Variants in FNBP4 observed in about 807,000 individuals in gnomAD.
FNBP4 encodes formin binding protein 4.
Under a neutral mutation model 119.3 loss-of-function variants are expected in FNBP4, and 34 were observed. The ratio of observed to expected loss-of-function variants is 0.28; its 90% confidence interval spans 0.22 to 0.38. FNBP4 has a LOEUF of 0.38. Ranked by LOEUF, FNBP4 falls within the 10% of genes least tolerant of loss-of-function variation. FNBP4 has a pLI of 1.00. For synonymous variants in FNBP4, 462 were observed against 430.6 expected (o/e 1.07, Z -0.90); for missense variants, 1,112 against 1,228.9 (o/e 0.90, Z 1.42).
rs374889562 is a variant in FNBP4 at position 47,730,304 on chromosome 11, C to T, written c.2008+1070G>A. ...CTTCATGTAAAAGGGAAGTGAAATG[C>T]CCTGTAACTTGAGAAAATGCACTTC... On this transcript the variant is annotated intron_variant, in intron 12 of 16. Coordinates refer to ENST00000263773, the MANE Select transcript of FNBP4 (RefSeq NM_015308.5). 4 of 883,268 alleles carry T rather than the reference C, an allele frequency of 4.5e-6. No individual in the cohort carries two copies. The African/African-American group carries it at 7.2e-5, about 16-fold the overall frequency. The allele number at this position is 883,268 out of a possible 1,614,324, so 54.7% of individuals were successfully genotyped here. A position where few individuals can be genotyped will look rare whatever the true frequency, so the allele number is the denominator to read the frequency against.
chr11:47,737,733 C>G lies in FNBP4; in HGVS notation c.1457-993G>C, dbSNP rs139289459. On this transcript the variant is annotated intron_variant, in intron 8 of 16. Transcript: ENST00000263773. The stretch of plus-strand genomic sequence containing the variant: ...GGGATTATAGGTGTAAGCCACTGCA[C>G]CCAGGCTGCATCATAATTTTTTTTT... Among the ~76,000 whole-genome samples, 17 of 151,390 alleles carry G rather than the reference C, an allele frequency of 1.1e-4. No homozygotes were observed. The East Asian group carries it at 3.3e-3, about 30-fold the overall frequency.
At chr11:47,747,823 C>G (rs1452396434) in intron 6 of FNBP4, among the ~76,000 whole-genome samples, 1 of 152,120 alleles carries the variant, frequency 6.6e-6, no homozygotes, top group Non-Finnish European at 1.5e-5. Context: ...CGGCGTGCGC[C>G]TGTAATCCCA....
chr11:47,762,915 AAAAAAAAAAAAAG>A (rs1361004284), intron 2 of FNBP4, among the ~76,000 whole-genome samples: 1 of 75,310 alleles, frequency 1.3e-5, no homozygotes, highest in African/African-American at 1.0e-4. Flanking sequence ...CCAAAAAAAA[AAAAAAAAAAAAAG>A]AGTCTCTCTG....
intron 6 of FNBP4, among the ~76,000 whole-genome samples, chr11:47,750,329 C>T (rs1184042911): frequency 4.6e-5 from 6 of 130,728 alleles, no homozygotes; most frequent in Non-Finnish European, 9.2e-5. Context: ...TTGCAGTGAG[C>T]TGAGACAGCA....
intron 10 of FNBP4, among the ~76,000 whole-genome samples, chr11:47,733,377 T>C (rs7107473): frequency 0.98 from 148,691 of 151,926 alleles, 72,844 homozygotes; most frequent in Middle Eastern, 1. Flanking sequence ...CTGGCTCTGT[T>C]GCCCAGGCTA....
chr11:47,734,980 C>CG (rs1378394324), intron 9 of FNBP4, among the ~76,000 whole-genome samples: 14 of 102,402 alleles, frequency 1.4e-4, no homozygotes, highest in African/African-American at 2.1e-4. Context: ...ACCCCAACAC[C>CG]CCCCCCCCCA....
chr11:47,720,324 T>C (rs559171988), intron 15 of FNBP4, among the ~76,000 whole-genome samples: 234 of 152,210 alleles, frequency 1.5e-3, no homozygotes, highest in African/African-American at 5.2e-3. Flanking sequence ...ATCCCAGCAC[T>C]TTGGGAGGCT....
chr11:47,754,687 T>TATTGAC, intron 2 of FNBP4, 23 bp from the exon 3 acceptor site: 1 of 1,609,014 alleles, frequency 6.2e-7, no homozygotes, highest in Non-Finnish European at 8.5e-7. Flanking sequence ...AGGTAAACAG[T>TATTGAC]ATTTGTAACA....
At chr11:47,758,359 C>T (rs868160026) in intron 2 of FNBP4, among the ~76,000 whole-genome samples, 6 of 152,134 alleles carry the variant, frequency 3.9e-5, no homozygotes, top group African/African-American at 1.2e-4. Flanking sequence ...TACAGGCCTA[C>T]GCCACCACAC....
At chr11:47,721,593 G>C (rs1321697595) in intron 15 of FNBP4, among the ~76,000 whole-genome samples, 1 of 151,886 alleles carries the variant, frequency 6.6e-6, no homozygotes, top group African/African-American at 2.4e-5. Context: ...CAGAGACTCT[G>C]TCTCCCCTCC....
intron 12 of FNBP4, chr11:47,729,611 C>G (rs1428271549): frequency 3.2e-6 from 3 of 941,760 alleles, no homozygotes; most frequent in East Asian, 2.3e-4. Flanking sequence ...TTGGGCTCAA[C>G]CAATCTTCCC....
Position 47,732,697 on chromosome 11 carries a change from A to G in FNBP4, c.1687-27T>C, listed in dbSNP as rs946681744. ...TAGAATAAACAGACAAATAAGTTAAAGACTTATTATTACATGTCAGGAGAC... is the reference window on the plus strand; with the variant it reads ...TAGAATAAACAGACAAATAAGTTAAGGACTTATTATTACATGTCAGGAGAC... On this transcript the variant is annotated intron_variant, in intron 10 of 16. Coordinates refer to ENST00000263773, the MANE Select transcript of FNBP4 (RefSeq NM_015308.5). This position sits in a 1 kb window ranked among gnomAD's most constrained non-coding sequence, Gnocchi z 4.2. 1.3e-6 allele frequency: 2 copies of G among 1,599,004 alleles called. No individual in the cohort carries two copies. The highest frequency in any genetic ancestry group is 3.3e-5 in the Admixed American group (2 of 59,990).
chr11:47,723,336 A>G lies in FNBP4; in HGVS notation c.2465-20T>C. ...GGTGACCTAACACAGAAAACATAAA[A>G]TGATACTATAAAAAGGACATCATGA... On this transcript the variant is annotated intron_variant, in intron 14 of 16. Transcript: ENST00000263773. 6.3e-7 allele frequency: 1 copy of G among 1,577,604 alleles called. No individual in the cohort carries two copies. The highest frequency in any genetic ancestry group is 8.6e-7 in the Non-Finnish European group (1 of 1,159,530).
chr11:47,765,389 G>GAAAAA lies in FNBP4; in HGVS notation c.221-28_221-27insTTTTT, dbSNP rs760580350. The GAAAAA allele has an allele frequency of 7.7e-6, 10 of 1,301,748 alleles. No homozygotes were observed. The Admixed American group carries it at 1.3e-4, about 17-fold the overall frequency. 80.6% of individuals were successfully genotyped at this position (1,301,748 alleles called of 1,614,324 possible). A position where few individuals can be genotyped will look rare whatever the true frequency, so the allele number is the denominator to read the frequency against. On this transcript the variant is annotated intron_variant, in intron 1 of 16. Coordinates refer to ENST00000263773, the MANE Select transcript of FNBP4 (RefSeq NM_015308.5). Reference sequence around the variant, plus strand: ...TGGATTAAAAAAAAAGAAAAGAAAAGAAAAGAAAAGAAAAGAAAAGAAAAG... The same window carrying GAAAAA: ...TGGATTAAAAAAAAAGAAAAGAAAAGAAAAAAAAAGAAAAGAAAAGAAAAGAAAAG...
rs1202241742 is a variant in FNBP4, at chr11:47,717,443, C to T, written c.3033G>A (p.Arg1011=). 3 of 1,612,254 alleles carry T rather than the reference C, an allele frequency of 1.9e-6. No homozygotes were observed. The highest frequency in any genetic ancestry group is 1.7e-5 in the Admixed American group (1 of 59,926). The change falls in exon 17 of 17, where the codon AGG becomes AGA. Residue 1011 remains arginine (R), a synonymous_variant. Coordinates refer to ENST00000263773, the MANE Select transcript of FNBP4 (RefSeq NM_015308.5). ...AAAACTATGTGTTTGGAGCCATTTT[C>T]CTTCTCTTCAGCCTTGCTCTCCAAT... ...PEDWRARLKR[R]KMAPNT
chr11:47,750,287 G>A (rs994126739), intron 6 of FNBP4, among the ~76,000 whole-genome samples: 2 of 146,380 alleles, frequency 1.4e-5, no homozygotes, highest in African/African-American at 2.5e-5. Context: ...GCTGAGGCAG[G>A]AGAATCACTT....
chr11:47,753,947 G>A (rs2097610005), intron 3 of FNBP4, among the ~76,000 whole-genome samples: 1 of 152,158 alleles, frequency 6.6e-6, no homozygotes, highest in Non-Finnish European at 1.5e-5. Flanking sequence ...GCTCACGCTT[G>A]TAATCCCAAC....
intron 15 of FNBP4, 99 bp downstream of exon 15, chr11:47,722,877 C>T (rs2869536): frequency 1 from 1,345,886 of 1,347,180 alleles, 672,307 homozygotes; most frequent in South Asian, 1. Context: ...AGGCTTAAGC[C>T]ACAGTGCCCA....
Position 47,740,639 on chromosome 11 carries a change from G to A in FNBP4, c.1456+3314C>T, listed in dbSNP as rs533649560. On this transcript the variant is annotated intron_variant, in intron 8 of 16. Transcript: ENST00000263773. ...GAGACAGTCTCACTCTGTCGCTTAG[G>A]CTGAAGTGCAGTGGCACAAACTCGG... 2.6e-5 allele frequency among the ~76,000 whole-genome samples: 4 copies of A among 150,990 alleles called. No individual in the cohort carries two copies. In the South Asian group the frequency reaches 8.4e-4, roughly 32 times the overall value.
Sources: gnomAD v4.1 joint callset for allele counts (sites outside exome capture counted in the v4.1 genomes callset) on GRCh38, gnomAD v4.1.1 for gene constraint, Gnocchi (gnomAD v3.1) non-coding constraint, MANE v1.5 for transcripts, NCBI Gene and HGNC (gene_info 2026-07-23, HGNC 2026-07-21) for gene names.